CARMIL1: variants seen among roughly 807,000 people sequenced by gnomAD.
CARMIL1 encodes F-actin-uncapping protein LRRC16A.
A neutral mutation model predicts 177.1 loss-of-function variants in CARMIL1; 90 were observed. The observed-to-expected ratio is 0.51, with a 90% CI of 0.43 to 0.61. CARMIL1 has a LOEUF of 0.61. Among genes scored for constraint, CARMIL1 ranks in the 20% least tolerant of loss-of-function variants. CARMIL1 has a pLI of 0.00. For missense variants in CARMIL1, 1,380 were observed against 1,667.0 expected (o/e 0.83, Z 3.00); for synonymous variants, 577 against 606.2 (o/e 0.95, Z 0.71).
At chr6:25,456,117 G>A (rs1288024294) in intron 8 of CARMIL1, among the ~76,000 whole-genome samples, 1 of 152,178 alleles carries the variant, frequency 6.6e-6, no homozygotes, top group Non-Finnish European at 1.5e-5. Flanking sequence ...CTGAAGGATG[G>A]AGAGGCATGT....
intron 16 of CARMIL1, 72 bp from the exon 17 acceptor site, chr6:25,500,094 C>G: frequency 9.9e-6 from 13 of 1,315,648 alleles, no homozygotes; most frequent in Non-Finnish European, 1.4e-5. Flanking sequence ...AGGCTTTATT[C>G]AGTGTGCTTG....
chr6:25,514,039 C>T (rs950203176), intron 20 of CARMIL1, among the ~76,000 whole-genome samples: 4 of 152,114 alleles, frequency 2.6e-5, no homozygotes, highest in African/African-American at 9.7e-5. Flanking sequence ...ACTCAAATGC[C>T]CACAGGGCTA....
intron 2 of CARMIL1, among the ~76,000 whole-genome samples, chr6:25,375,181 T>C (rs1477069002): frequency 6.6e-6 from 1 of 152,224 alleles, no homozygotes; most frequent in African/African-American, 2.4e-5. Context: ...TCTTGTAGGG[T>C]TGGTCTGGTA....
At chr6:25,347,981 A>G (rs1787704743) in intron 2 of CARMIL1, among the ~76,000 whole-genome samples, 1 of 152,192 alleles carries the variant, frequency 6.6e-6, no homozygotes, top group Non-Finnish European at 1.5e-5. Flanking sequence ...TCCTCACTTA[A>G]TGTCATCGAT....
At chr6:25,344,338 G>A (rs1250186761) in intron 2 of CARMIL1, among the ~76,000 whole-genome samples, 1 of 152,034 alleles carries the variant, frequency 6.6e-6, no homozygotes, top group African/African-American at 2.4e-5. Context: ...TCCCCAGCTT[G>A]GAGTCCACGA....
intron 36 of CARMIL1, among the ~76,000 whole-genome samples, chr6:25,617,942 G>C (rs1190318120): frequency 6.6e-6 from 1 of 152,138 alleles, no homozygotes; most frequent in Non-Finnish European, 1.5e-5. Flanking sequence ...GATAATATTT[G>C]TTTGTTGCTT....
intron 26 of CARMIL1, among the ~76,000 whole-genome samples, chr6:25,546,676 A>C (rs74584740): frequency 0.44 from 65,583 of 148,302 alleles, 14,708 homozygotes; most frequent in East Asian, 0.48. Context: ...CAACAAAAAA[A>C]AAAAAAAAAA....
At chr6:25,418,481 C>T (rs545150066) in intron 2 of CARMIL1, among the ~76,000 whole-genome samples, 3 of 152,096 alleles carry the variant, frequency 2.0e-5, no homozygotes, top group Admixed American at 2.0e-4. Context: ...TACTTCATCC[C>T]TGTCCCTCTC....
intron 2 of CARMIL1, among the ~76,000 whole-genome samples, chr6:25,385,920 G>A (rs1434365801): frequency 6.6e-6 from 1 of 152,230 alleles, no homozygotes; most frequent in Non-Finnish European, 1.5e-5. Context: ...CTACTTGTTA[G>A]AAGATTTGGT....
chr6:25,581,515 A>C, intron 31 of CARMIL1, 76 bp downstream of exon 31: 4 of 1,347,512 alleles, frequency 3.0e-6, no homozygotes, highest in Non-Finnish European at 4.0e-6. Flanking sequence ...GGTCTTGCTA[A>C]AGTGCTTTGC....
At chr6:25,605,063 C>T (rs1815818743) in intron 34 of CARMIL1, among the ~76,000 whole-genome samples, 170 bp downstream of exon 34, 1 of 152,204 alleles carries the variant, frequency 6.6e-6, no homozygotes, top group African/African-American at 2.4e-5. Context: ...GCCTTATCTT[C>T]CCCTGGGGCA....
chr6:25,443,986 A>G (rs1797987865), intron 5 of CARMIL1, among the ~76,000 whole-genome samples: 2 of 152,202 alleles, frequency 1.3e-5, no homozygotes, highest in East Asian at 1.9e-4. Flanking sequence ...TGTTTTTAGT[A>G]GAGATGGGGT....
At chr6:25,444,521 C>G (rs759765148) in intron 5 of CARMIL1, among the ~76,000 whole-genome samples, 4 of 152,088 alleles carry the variant, frequency 2.6e-5, no homozygotes, top group Admixed American at 6.6e-5. Flanking sequence ...CTATCCCTCC[C>G]CCAGCCCCCA....
intron 23 of CARMIL1, among the ~76,000 whole-genome samples, chr6:25,520,633 T>C (rs539646149): frequency 6.6e-6 from 1 of 152,070 alleles, no homozygotes; most frequent in Admixed American, 6.5e-5. Flanking sequence ...GGGGGAGAAA[T>C]GTGTGGAACT....
intron 8 of CARMIL1, among the ~76,000 whole-genome samples, chr6:25,458,845 A>G (rs909294601): frequency 6.6e-6 from 1 of 152,208 alleles, no homozygotes; most frequent in African/African-American, 2.4e-5. Flanking sequence ...TTCTGGGGTA[A>G]TTATGAAGAC....
At chr6:25,605,959 A>G in intron 34 of CARMIL1, 102 bp from the exon 35 acceptor site, 1 of 744,888 alleles carries the variant, frequency 1.3e-6, no homozygotes, top group Non-Finnish European at 2.2e-6. Context: ...ATCCGTGATG[A>G]GAAACGATGG....
chr6:25,428,753 C>A (rs1231560415), intron 4 of CARMIL1, among the ~76,000 whole-genome samples: 1 of 152,126 alleles, frequency 6.6e-6, no homozygotes, highest in Admixed American at 6.5e-5. Flanking sequence ...TGTCTAAATT[C>A]ATTCCTAAGT....
chr6:25,398,140 A>G lies in CARMIL1; in HGVS notation c.139-21974A>G, dbSNP rs541625350. Among the ~76,000 whole-genome samples, 3 of 152,204 alleles carry G rather than the reference A, an allele frequency of 2.0e-5. No homozygotes were observed. In the East Asian group the frequency reaches 5.8e-4, roughly 29 times the overall value. ...AACAACTGGGTAAAGAACTATTTAA[A>G]AATTAATGAACAAGGTAATTTTATA... On this transcript the variant is annotated intron_variant, in intron 2 of 36. Coordinates refer to ENST00000329474, the MANE Select transcript of CARMIL1 (RefSeq NM_017640.6).
chr6:25,465,071 C>CAAAAAAAAAAAAA (rs558022196), intron 8 of CARMIL1, among the ~76,000 whole-genome samples: 27 of 61,848 alleles, frequency 4.4e-4, no homozygotes, highest in East Asian at 9.6e-4. Context: ...AGAACTAAAG[C>CAAAAAAAAAAAAA]AAAAAAAAAA....
Sources: allele counts gnomAD v4.1 joint callset (sites outside exome capture counted in the v4.1 genomes callset), GRCh38; gene constraint gnomAD v4.1.1; transcripts MANE v1.5; gene names NCBI Gene and HGNC (gene_info 2026-07-23, HGNC 2026-07-21).